The following DCLK1 variants were observed in gnomAD, a reference collection of about 807,000 sequenced individuals.
DCLK1 encodes the protein serine/threonine-protein kinase DCLK1.
DCLK1 carries 16 observed loss-of-function variants against 86.2 expected under a neutral mutation model. That is an observed-to-expected ratio of 0.19 (90% confidence interval 0.13 to 0.28). The LOEUF (loss-of-function observed/expected upper bound fraction) is 0.28. Among genes scored for constraint, DCLK1 ranks in the 10% least tolerant of loss-of-function variants. DCLK1 has a pLI of 1.00. For synonymous variants in DCLK1, 369 were observed against 370.5 expected, an observed-to-expected ratio of 1.00 and a Z score of 0.05; for missense variants, 590 against 940.2, an observed-to-expected ratio of 0.63 and a Z score of 4.87.
chr13:36,052,668 T>C (rs533278174), intron 3 of DCLK1, among the ~76,000 whole-genome samples: 10 of 152,282 alleles, frequency 6.6e-5, no homozygotes, highest in Non-Finnish European at 1.0e-4. Context: ...CGTATTCAAA[T>C]TGCTGTGAAA....
intron 3 of DCLK1, among the ~76,000 whole-genome samples, chr13:36,033,685 G>A (rs1882374832): frequency 6.6e-6 from 1 of 152,178 alleles, no homozygotes; most frequent in African/African-American, 2.4e-5. Flanking sequence ...CAGAACTTTG[G>A]GAGGCCAAGG....
chr13:35,840,162 G>A (rs1869689971), intron 6 of DCLK1, among the ~76,000 whole-genome samples: 1 of 152,122 alleles, frequency 6.6e-6, no homozygotes, highest in East Asian at 1.9e-4. Flanking sequence ...ATAATGAAGA[G>A]GTGGCGAGAA....
intron 3 of DCLK1, among the ~76,000 whole-genome samples, chr13:36,092,413 T>A (rs1884857481): frequency 6.6e-6 from 1 of 152,078 alleles, no homozygotes; most frequent in African/African-American, 2.4e-5. Flanking sequence ...CTTATTATAT[T>A]ATTTAACTTT....
chr13:36,037,433 T>G (rs114266262), intron 3 of DCLK1, among the ~76,000 whole-genome samples: 7,171 of 151,276 alleles, frequency 0.047, 172 homozygotes, highest in Middle Eastern at 0.096. Context: ...ATATTTAAGG[T>G]GGTGGATATC....
chr13:35,860,317 GGT>G (rs1491022539), intron 5 of DCLK1, among the ~76,000 whole-genome samples: 14 of 151,654 alleles, frequency 9.2e-5, no homozygotes, highest in African/African-American at 3.4e-4. Flanking sequence ...AAATGCAGGG[GGT>G]GGGGGGTGCA....
chr13:35,809,686 C>G (rs1252832739), intron 12 of DCLK1, among the ~76,000 whole-genome samples: 1 of 152,076 alleles, frequency 6.6e-6, no homozygotes, highest in Non-Finnish European at 1.5e-5. Context: ...AGAGCATGTC[C>G]CAGTAGAAAG....
intron 3 of DCLK1, among the ~76,000 whole-genome samples, chr13:35,987,962 T>C (rs1880023287): frequency 1.3e-5 from 2 of 152,014 alleles, no homozygotes; most frequent in African/African-American, 4.8e-5. Flanking sequence ...TCCTCAGGGG[T>C]CCCCAGTCTC....
chr13:35,901,148 G>A (rs1874331212), intron 4 of DCLK1, among the ~76,000 whole-genome samples: 1 of 152,068 alleles, frequency 6.6e-6, no homozygotes, highest in Non-Finnish European at 1.5e-5. Flanking sequence ...GATTCAAATA[G>A]GGAGATAAAA....
chr13:35,908,700 A>G (rs151300264), intron 4 of DCLK1, among the ~76,000 whole-genome samples: 4 of 152,272 alleles, frequency 2.6e-5, no homozygotes, highest in African/African-American at 9.6e-5. Flanking sequence ...CAATGGCGTG[A>G]TCTTGGCTCA....
chr13:35,919,993 T>C (rs964442977), intron 4 of DCLK1, among the ~76,000 whole-genome samples: 3 of 151,978 alleles, frequency 2.0e-5, no homozygotes, highest in African/African-American at 7.3e-5. Flanking sequence ...CATTAATCAG[T>C]AGCAATTTTC....
At chr13:36,008,176 T>TA (rs1338246411) in intron 3 of DCLK1, among the ~76,000 whole-genome samples, 7 of 139,766 alleles carry the variant, frequency 5.0e-5, no homozygotes, top group Non-Finnish European at 1.1e-4. Flanking sequence ...ACCATCTTTT[T>TA]TTTTTCAGAG....
chr13:35,953,071 C>T (rs9601732), intron 3 of DCLK1, among the ~76,000 whole-genome samples: 80,243 of 152,034 alleles, frequency 0.53, 24,699 homozygotes, highest in Non-Finnish European at 0.67. Flanking sequence ...TGAAAATACT[C>T]TTTTTGGTGT....
intron 6 of DCLK1, chr13:35,847,395 T>A (rs1870258228): frequency 1.0e-6 from 1 of 985,054 alleles, no homozygotes; most frequent in Non-Finnish European, 1.2e-6. Context: ...ACTTTACTGT[T>A]GATGGTTTAT....
At position 35,890,809 on chromosome 13, in the gene DCLK1, A is replaced by T. The variant is rs182793302; in HGVS notation, c.824-19469T>A. ...ACTTAGTAAATTGAAAACTTTTTCC[A>T]TATATTTAATAAGCCATTTGGACTT... On this transcript the variant is annotated intron_variant, in intron 4 of 16. Coordinates refer to ENST00000360631, the MANE Select transcript of DCLK1 (RefSeq NM_001330071.2). Among the ~76,000 whole-genome samples the T allele has an allele frequency of 2.6e-4, 39 of 150,934 alleles. 1 individual carries two copies. In the East Asian group the frequency reaches 7.6e-3, roughly 29 times the overall value.
At chr13:35,846,991 A>G in intron 6 of DCLK1, 1 of 985,276 alleles carries the variant, frequency 1.0e-6, no homozygotes, top group Non-Finnish European at 1.2e-6. Flanking sequence ...TTTATGTTCC[A>G]ACATTATACT....
At chr13:35,822,314 C>T (rs1033620162) in intron 11 of DCLK1, among the ~76,000 whole-genome samples, 6 of 144,350 alleles carry the variant, frequency 4.2e-5, no homozygotes, top group Admixed American at 1.4e-4. Context: ...CTACGATGTC[C>T]GGCTAATTAA....
intron 1 of DCLK1, among the ~76,000 whole-genome samples, 180 bp from the exon 2 acceptor site, chr13:36,126,336 C>T (rs1267345618): frequency 2.0e-5 from 3 of 152,092 alleles, no homozygotes; most frequent in Non-Finnish European, 4.4e-5. Flanking sequence ...CTCAAATGAT[C>T]CTCCTGCATC....
chr13:35,797,538 A>G (rs1253238196), intron 15 of DCLK1, among the ~76,000 whole-genome samples: 1 of 152,190 alleles, frequency 6.6e-6, no homozygotes, highest in African/African-American at 2.4e-5. Flanking sequence ...GTTCACATTG[A>G]AGCAATGCAA....
At chr13:35,829,718 A>G (rs942016366) in intron 8 of DCLK1, among the ~76,000 whole-genome samples, 1 of 152,210 alleles carries the variant, frequency 6.6e-6, no homozygotes, top group African/African-American at 2.4e-5. Flanking sequence ...GCTGAATAAA[A>G]TCACAAGATG....
Sources: allele counts gnomAD v4.1 joint callset (sites outside exome capture counted in the v4.1 genomes callset), GRCh38; gene constraint gnomAD v4.1.1; transcripts MANE v1.5; gene names NCBI Gene and HGNC (gene_info 2026-07-23, HGNC 2026-07-21).